Variants in ABCA13 observed in about 807,000 individuals in gnomAD.
ABCA13 encodes ATP-binding cassette sub-family A member 13.
In ABCA13, 476 loss-of-function variants were observed where a neutral mutation model predicts 478.7. That is an observed-to-expected ratio of 0.99 (90% CI 0.92 to 1.07). The LOEUF is 1.07. Ranked by LOEUF, ABCA13 falls within the 50% of genes least tolerant of loss-of-function variation. The pLI is 0.00. For synonymous variants in ABCA13, 2,252 were observed against 2,158.9 expected, an observed-to-expected ratio of 1.04 and a Z score of -1.20; for missense variants, 6,060 against 5,910.6, an observed-to-expected ratio of 1.03 and a Z score of -0.83.
At chr7:48,281,860 AC>A (rs1323780900) in intron 19 of ABCA13, among the ~76,000 whole-genome samples, 1 of 152,142 alleles carries the variant, frequency 6.6e-6, no homozygotes, top group Admixed American at 6.5e-5. Context: ...CTTCTTTCTT[AC>A]ATTTCCTCCC....
chr7:48,488,939 A>G (rs1829592099), intron 47 of ABCA13, among the ~76,000 whole-genome samples: 1 of 152,194 alleles, frequency 6.6e-6, no homozygotes, highest in Non-Finnish European at 1.5e-5. Flanking sequence ...AGAAAAAAAA[A>G]TGATAGGGTT....
intron 41 of ABCA13, among the ~76,000 whole-genome samples, chr7:48,422,271 C>A (rs1820875847): frequency 6.6e-6 from 1 of 151,420 alleles, no homozygotes; most frequent in African/African-American, 2.4e-5. Flanking sequence ...GGGCTAAGGT[C>A]TTCTTAACTT....
At chr7:48,431,283 C>T (rs1017106943) in intron 42 of ABCA13, among the ~76,000 whole-genome samples, 3 of 151,870 alleles carry the variant, frequency 2.0e-5, no homozygotes, top group African/African-American at 4.8e-5. Flanking sequence ...TGGAGGTTGC[C>T]TTGAGCCTAG....
intron 3 of ABCA13, among the ~76,000 whole-genome samples, chr7:48,209,654 A>C (rs1235742762): frequency 6.6e-6 from 1 of 152,170 alleles, no homozygotes; most frequent in Non-Finnish European, 1.5e-5. Context: ...GAGGACACAC[A>C]AAAAATAGAA....
chr7:48,225,127 G>GTCTGCCTTCCTT (rs1787981058), intron 5 of ABCA13, among the ~76,000 whole-genome samples: 1 of 81,992 alleles, frequency 1.2e-5, no homozygotes, highest in Non-Finnish European at 2.5e-5. Flanking sequence ...CTGCCTGCCT[G>GTCTGCCTTCCTT]CCTGCCTGCC....
At chr7:48,404,870 G>T (rs1338155651) in intron 39 of ABCA13, among the ~76,000 whole-genome samples, 1 of 152,206 alleles carries the variant, frequency 6.6e-6, no homozygotes, top group African/African-American at 2.4e-5. Flanking sequence ...CCACAATTTT[G>T]TTGGAATTAT....
In ABCA13 at chr7:48,389,084, CCGGGAG is replaced by C. The variant is rs757758357; in HGVS notation, c.11519_11524del (p.Pro3840_Val3842delinsLeu). ...GGAAGGAGAGCTTGAAGGAAGTGCC[CCGGGAG>C]TCACCCTGGTGTCTGTGACCAAGGA... On this transcript the variant is annotated inframe_deletion, in exon 37 of 62. Transcript: ENST00000435803. 6.2e-7 allele frequency: 1 copy of C among 1,613,866 alleles called. No individual in the cohort carries two copies. The highest frequency in any genetic ancestry group is 8.5e-7 in the Non-Finnish European group (1 of 1,179,838).
At chr7:48,552,484 A>G (rs1250608991) in intron 55 of ABCA13, among the ~76,000 whole-genome samples, 1 of 151,754 alleles carries the variant, frequency 6.6e-6, no homozygotes, top group African/African-American at 2.4e-5. Context: ...TGGACCTACA[A>G]CATAGGTTGA....
At chr7:48,513,993 G>A (rs1207186921) in intron 51 of ABCA13, among the ~76,000 whole-genome samples, 1 of 152,068 alleles carries the variant, frequency 6.6e-6, no homozygotes, top group African/African-American at 2.4e-5. Context: ...TGATCCACTT[G>A]TCAAATATTT....
chr7:48,625,436 A>G (rs1450372163), intron 59 of ABCA13, among the ~76,000 whole-genome samples: 1 of 152,208 alleles, frequency 6.6e-6, no homozygotes, highest in Non-Finnish European at 1.5e-5. Context: ...ATATTTTTCT[A>G]TATTTTACTT....
At chr7:48,452,489 A>T (rs1396356913) in intron 42 of ABCA13, among the ~76,000 whole-genome samples, 1 of 152,202 alleles carries the variant, frequency 6.6e-6, no homozygotes, top group African/African-American at 2.4e-5. Flanking sequence ...CTTTTCTGTT[A>T]CCAGAGCTAA....
chr7:48,217,517 A>G (rs186251041), intron 3 of ABCA13, among the ~76,000 whole-genome samples: 27 of 152,232 alleles, frequency 1.8e-4, no homozygotes, highest in Admixed American at 3.9e-4. Context: ...ACACCACCCT[A>G]TTAGGTAGGT....
chr7:48,193,609 A>C (rs1012499757), intron 2 of ABCA13, among the ~76,000 whole-genome samples: 1 of 148,906 alleles, frequency 6.7e-6, no homozygotes, highest in Non-Finnish European at 1.5e-5. Flanking sequence ...GATGATGAAG[A>C]TGATGATAGT....
intron 15 of ABCA13, among the ~76,000 whole-genome samples, chr7:48,262,763 G>A (rs1431229707): frequency 2.6e-5 from 4 of 151,898 alleles, no homozygotes; most frequent in Non-Finnish European, 5.9e-5. Flanking sequence ...CTGGTGTACA[G>A]AGCAGATAAC....
Position 48,259,132 on chromosome 7 carries a change from CAA to C in ABCA13, c.2005+9782_2005+9783del, listed in dbSNP as rs1422301151. On this transcript the variant is annotated intron_variant, in intron 15 of 61. Transcript: ENST00000435803. ...TAGAAGTCTGTTAGGCCCATTTTGTCAAGTGTCAAGTTCAAGTCCCAAATATT... is the reference window on the plus strand; with the variant it reads ...TAGAAGTCTGTTAGGCCCATTTTGTCGTGTCAAGTTCAAGTCCCAAATATT... Among the ~76,000 whole-genome samples the C allele has an allele frequency of 3.9e-5, 6 of 152,138 alleles. No homozygotes were observed. The East Asian group carries it at 1.2e-3, about 29-fold the overall frequency.
At chr7:48,618,549 G>A (rs1792824159) in intron 59 of ABCA13, among the ~76,000 whole-genome samples, 1 of 152,154 alleles carries the variant, frequency 6.6e-6, no homozygotes, top group South Asian at 2.1e-4. Context: ...TGGCACACAG[G>A]GTCCCATGAG....
At chr7:48,384,555 C>T (rs1438158615) in intron 35 of ABCA13, among the ~76,000 whole-genome samples, 4 of 152,164 alleles carry the variant, frequency 2.6e-5, no homozygotes, top group Admixed American at 2.6e-4. Flanking sequence ...ATTAATACAA[C>T]CAGATACCCT....
chr7:48,370,802 C>G (rs1467545164), intron 32 of ABCA13, among the ~76,000 whole-genome samples: 1 of 152,036 alleles, frequency 6.6e-6, no homozygotes, highest in African/African-American at 2.4e-5. Flanking sequence ...AATAGACAAC[C>G]AAGGGTCACA....
Position 48,330,399 on chromosome 7 carries a change from C to A in ABCA13, c.10000-5023C>A, listed in dbSNP as rs567016720. Reference sequence around the variant, plus strand: ...CATCCATTCATCCATCCATCCAAATCTATCTATCCATCCATTCATTTATCT... The same window carrying A: ...CATCCATTCATCCATCCATCCAAATATATCTATCCATCCATTCATTTATCT... On this transcript the variant is annotated intron_variant, in intron 27 of 61. Transcript: ENST00000435803. Among the ~76,000 whole-genome samples, 44 of 141,070 alleles carry A rather than the reference C, an allele frequency of 3.1e-4. 2 individuals are homozygous for A. The highest frequency in any genetic ancestry group is 1.0e-3 in the African/African-American group (39 of 37,776). 92.5% of individuals were successfully genotyped at this position (141,070 alleles called of 152,430 possible).
Sources: allele counts gnomAD v4.1 joint callset (sites outside exome capture counted in the v4.1 genomes callset), GRCh38; gene constraint gnomAD v4.1.1; transcripts MANE v1.5; gene names NCBI Gene and HGNC (gene_info 2026-07-23, HGNC 2026-07-21).